Variants in STK32B observed in about 807,000 individuals in gnomAD.
STK32B encodes serine/threonine-protein kinase 32B.
In STK32B, 43 loss-of-function variants were observed where a neutral mutation model predicts 52.6. That is an observed-to-expected ratio of 0.82 (90% CI 0.64 to 1.05). The LOEUF (loss-of-function observed/expected upper bound fraction) is 1.05. Among genes scored for constraint, STK32B ranks in the 50% least tolerant of loss-of-function variants. STK32B has a pLI of 0.00. For synonymous variants in STK32B, 238 were observed against 204.3 expected (o/e 1.17, Z -1.41); for missense variants, 621 against 534.6 (o/e 1.16, Z -1.59).
At position 5,257,679 on chromosome 4, in the gene STK32B, G is replaced by A. The variant is rs570627955; in HGVS notation, c.261-73541G>A. Among the ~76,000 whole-genome samples, 3 of 152,326 alleles carry A rather than the reference G, an allele frequency of 2.0e-5. No homozygotes were observed. In the East Asian group the frequency reaches 5.8e-4, roughly 29 times the overall value. On this transcript the variant is annotated intron_variant, in intron 3 of 11. Coordinates refer to ENST00000282908, the MANE Select transcript of STK32B (RefSeq NM_018401.3). ...GTGGGGGCTGGGCATGGTGGCTCAA[G>A]CCTGTGTAATCCCAGCACTTTGGGA...
intron 4 of STK32B, among the ~76,000 whole-genome samples, chr4:5,388,737 A>G (rs1269815922): frequency 1.3e-5 from 2 of 152,222 alleles, no homozygotes; most frequent in Non-Finnish European, 2.9e-5. Flanking sequence ...AAGCTTCTTA[A>G]GAAGATGACT....
At position 5,317,338 on chromosome 4, in the gene STK32B, AAT is replaced by A. The variant is rs1410028983; in HGVS notation, c.261-13880_261-13879del. On this transcript the variant is annotated intron_variant, in intron 3 of 11. Transcript: ENST00000282908. ...TATGTATAATATATATTACATATAT[AAT>A]ACATATATATAATATATATAATGTA... 1.9e-3 allele frequency among the ~76,000 whole-genome samples: 50 copies of A among 26,604 alleles called. 2 individuals are homozygous for A. The highest frequency in any genetic ancestry group is 0.015 in the African/African-American group (45 of 2,944). The allele number at this position is 26,604 out of a possible 152,430, so 17.5% of individuals were successfully genotyped here.
At chr4:5,115,947 C>T (rs553807527) in intron 1 of STK32B, among the ~76,000 whole-genome samples, 3 of 152,224 alleles carry the variant, frequency 2.0e-5, no homozygotes, top group East Asian at 3.9e-4. Context: ...TAATCAAAAC[C>T]TCACCAGGTT....
At chr4:5,131,334 T>C (rs1338317995) in intron 1 of STK32B, among the ~76,000 whole-genome samples, 1 of 152,242 alleles carries the variant, frequency 6.6e-6, no homozygotes, top group Admixed American at 6.5e-5. Context: ...ACTGAGATCC[T>C]GCTTCCCTAG....
intron 3 of STK32B, among the ~76,000 whole-genome samples, chr4:5,257,600 A>G (rs745748683): frequency 6.6e-6 from 1 of 152,164 alleles, no homozygotes; most frequent in Non-Finnish European, 1.5e-5. Context: ...ATCATATCAC[A>G]TCACGCTTCT....
chr4:5,231,752 G>A lies in STK32B; in HGVS notation c.260+63302G>A, dbSNP rs573781250. Among the ~76,000 whole-genome samples the A allele has an allele frequency of 3.9e-5, 6 of 152,288 alleles. No homozygotes were observed. In the East Asian group the frequency reaches 5.8e-4, roughly 15 times the overall value. ...AGGGCTGAGGACCGATGGTCAGGGA[G>A]GAAGCAGAGGATACAAGGGTGACAA... is the stretch of plus-strand genomic sequence containing the variant. On this transcript the variant is annotated intron_variant, in intron 3 of 11. Coordinates refer to ENST00000282908, the MANE Select transcript of STK32B (RefSeq NM_018401.3).
rs117318679 is a variant in STK32B, at chr4:5,205,849, C to G, written c.260+37399C>G. 2.8e-4 allele frequency among the ~76,000 whole-genome samples: 42 copies of G among 152,208 alleles called. No homozygotes were observed. The East Asian group carries it at 4.6e-3, about 17-fold the overall frequency. ...GGGGGAATTCTCTTTCACCGATTCT[C>G]ATCTCCCATCCTCCTTGCATCTCAG... is the stretch of plus-strand genomic sequence containing the variant. On this transcript the variant is annotated intron_variant, in intron 3 of 11. Transcript: ENST00000282908.
intron 3 of STK32B, among the ~76,000 whole-genome samples, chr4:5,205,710 G>A (rs879464190): frequency 1.2e-5 from 1 of 84,738 alleles, no homozygotes; most frequent in Non-Finnish European, 3.6e-5. Flanking sequence ...GCGCGTGTGT[G>A]TGTGTGTGTG....
intron 3 of STK32B, among the ~76,000 whole-genome samples, chr4:5,265,284 C>CT (rs1726988274): frequency 6.6e-6 from 1 of 152,214 alleles, no homozygotes; most frequent in Admixed American, 6.5e-5. Context: ...TCTACAACTC[C>CT]TGAGAGTAGC....
intron 3 of STK32B, among the ~76,000 whole-genome samples, chr4:5,322,648 C>CT (rs1257760685): frequency 6.6e-6 from 1 of 152,212 alleles, no homozygotes; most frequent in African/African-American, 2.4e-5. Flanking sequence ...TGCCTGGAGA[C>CT]TAAGAAAGGT....
At chr4:5,490,453 A>T (rs981272569) in intron 11 of STK32B, among the ~76,000 whole-genome samples, 4 of 152,182 alleles carry the variant, frequency 2.6e-5, no homozygotes, top group African/African-American at 9.6e-5. Context: ...GGGGTAAGGC[A>T]GTTTGACTAG....
chr4:5,312,350 A>G (rs1730352091), intron 3 of STK32B, among the ~76,000 whole-genome samples: 1 of 151,708 alleles, frequency 6.6e-6, no homozygotes, highest in African/African-American at 2.4e-5. Context: ...AGGTAGTTAC[A>G]TATGTATACA....
chr4:5,331,477 A>T (rs561798650), intron 4 of STK32B, 84 bp downstream of exon 4: 2 of 1,442,592 alleles, frequency 1.4e-6, no homozygotes, highest in African/African-American at 2.8e-5. Context: ...TGGGGAGAGA[A>T]TTTTGTCCTT....
At chr4:5,466,565 A>C in intron 9 of STK32B, 138 bp from the exon 10 acceptor site, 1 of 1,185,466 alleles carries the variant, frequency 8.4e-7, no homozygotes, top group Non-Finnish European at 1.1e-6. Flanking sequence ...GAAAACAGAA[A>C]CAAAGGTAAC....
At chr4:5,185,656 C>G (rs1291330520) in intron 3 of STK32B, among the ~76,000 whole-genome samples, 1 of 152,104 alleles carries the variant, frequency 6.6e-6, no homozygotes, top group Non-Finnish European at 1.5e-5. Flanking sequence ...AAGCAATTGT[C>G]CCTAGCCTGA....
At chr4:5,362,249 ACAGT>A (rs546525508) in intron 4 of STK32B, among the ~76,000 whole-genome samples, 96 of 152,322 alleles carry the variant, frequency 6.3e-4, no homozygotes, top group African/African-American at 2.2e-3. Context: ...TAAGTCATAG[ACAGT>A]CAGCTAAGCC....
intron 1 of STK32B, among the ~76,000 whole-genome samples, chr4:5,119,929 C>G (rs1351592618): frequency 6.6e-6 from 1 of 152,214 alleles, no homozygotes; most frequent in Non-Finnish European, 1.5e-5. Flanking sequence ...ATTCGGGACT[C>G]AAGTACATTA....
In STK32B at chr4:5,257,341, A is replaced by G. The variant is rs925204506; in HGVS notation, c.261-73879A>G. ...TGAGTGAGCAAGTGAATGAGTGAGC[A>G]AGTAAGTGGGTGAGTGAATGAGTAA... On this transcript the variant is annotated intron_variant, in intron 3 of 11. Coordinates refer to ENST00000282908, the MANE Select transcript of STK32B (RefSeq NM_018401.3). Among the ~76,000 whole-genome samples the G allele has an allele frequency of 2.0e-5, 3 of 151,254 alleles. No individual in the cohort carries two copies. In the South Asian group the frequency reaches 6.3e-4, roughly 32 times the overall value.
At chr4:5,196,853 G>A (rs1721718747) in intron 3 of STK32B, among the ~76,000 whole-genome samples, 2 of 152,330 alleles carry the variant, frequency 1.3e-5, no homozygotes, top group African/African-American at 2.4e-5. Flanking sequence ...ATCTAGGTGA[G>A]CACAGCACTC....
Sources: allele counts gnomAD v4.1 joint callset (sites outside exome capture counted in the v4.1 genomes callset), GRCh38; gene constraint gnomAD v4.1.1; transcripts MANE v1.5; gene names NCBI Gene and HGNC (gene_info 2026-07-23, HGNC 2026-07-21).